Variants in GLYATL2 observed in about 807,000 individuals in gnomAD.
The protein encoded by GLYATL2 is glycine-N-acyltransferase like 2.
GLYATL2 carries 25 observed loss-of-function variants against 21.4 expected under a neutral mutation model. The observed-to-expected ratio is 1.17, with a 90% CI of 0.85 to 1.63. GLYATL2 has a LOEUF of 1.63. GLYATL2 is among the 40% of genes most tolerant of loss of function. GLYATL2 has a pLI of 0.00. For synonymous variants in GLYATL2, 114 were observed against 118.2 expected, an observed-to-expected ratio of 0.96 and a Z score of 0.23; for missense variants, 361 against 343.3, an observed-to-expected ratio of 1.05 and a Z score of -0.41.
intron 1 of GLYATL2, among the ~76,000 whole-genome samples, chr11:58,870,768 G>A (rs977385775): frequency 6.6e-6 from 1 of 152,236 alleles, no homozygotes; most frequent in African/African-American, 2.4e-5. Context: ...TGTTGCATAT[G>A]CAATAGACGT....
intron 1 of GLYATL2, among the ~76,000 whole-genome samples, chr11:58,879,833 C>A (rs1011922707): frequency 5.4e-5 from 8 of 148,202 alleles, no homozygotes; most frequent in Non-Finnish European, 1.0e-4. Flanking sequence ...GTGTACTTTA[C>A]AACAATTTCT....
chr11:58,839,143 C>G (rs916278716), intron 2 of GLYATL2, among the ~76,000 whole-genome samples: 1 of 152,178 alleles, frequency 6.6e-6, no homozygotes, highest in Non-Finnish European at 1.5e-5. Context: ...AGCCCTGTAA[C>G]CCAATTAAGC....
At chr11:58,847,548 T>C (rs1006335390), upstream of GLYATL2, among the ~76,000 whole-genome samples, 14 of 152,138 alleles carry the variant, frequency 9.2e-5, no homozygotes, top group African/African-American at 2.7e-4. Flanking sequence ...AGAACACTGG[T>C]TGGTAGTCTG....
At chr11:58,873,492 T>G (rs1854164378) in intron 1 of GLYATL2, among the ~76,000 whole-genome samples, 1 of 152,246 alleles carries the variant, frequency 6.6e-6, no homozygotes, top group Non-Finnish European at 1.5e-5. Context: ...GTTTTTAGCA[T>G]GAAGGGCTGT....
At chr11:58,905,751 C>CGGGGGGGGG, upstream of GLYATL2, 1 of 13,934 alleles carries the variant, frequency 7.2e-5, no homozygotes, top group Admixed American at 1.0e-3. Context: ...GGAGGGTGGG[C>CGGGGGGGGG]GGGTGGGCGC....
chr11:58,873,794 G>T (rs1854171395), intron 1 of GLYATL2, among the ~76,000 whole-genome samples: 1 of 152,258 alleles, frequency 6.6e-6, no homozygotes, highest in Admixed American at 6.5e-5. Context: ...GATGATGCTG[G>T]CCTCATAAAA....
At chr11:58,882,075 T>A (rs1313006659) in intron 1 of GLYATL2, among the ~76,000 whole-genome samples, 1 of 152,254 alleles carries the variant, frequency 6.6e-6, no homozygotes, top group African/African-American at 2.4e-5. Flanking sequence ...GCATGATTTA[T>A]AATCCTTTGG....
At chr11:58,897,883 G>C (rs775602765) in intron 1 of GLYATL2, among the ~76,000 whole-genome samples, 123 of 152,278 alleles carry the variant, frequency 8.1e-4, no homozygotes, top group Admixed American at 2.2e-3. Flanking sequence ...CCCTGGAAAA[G>C]TATTGATTGC....
chr11:58,845,134 C>T (rs1435253360), upstream of GLYATL2, among the ~76,000 whole-genome samples: 4 of 152,168 alleles, frequency 2.6e-5, no homozygotes, highest in Non-Finnish European at 5.9e-5. Context: ...ACACCACCTC[C>T]TTCAAGATCA....
At chr11:58,867,223 A>T (rs1365394137) in intron 1 of GLYATL2, among the ~76,000 whole-genome samples, 1 of 149,068 alleles carries the variant, frequency 6.7e-6, no homozygotes, top group African/African-American at 2.4e-5. Flanking sequence ...AATATAATAG[A>T]TTTAAAATGT....
chr11:58,852,579 G>T (rs762119558), intron 1 of GLYATL2, among the ~76,000 whole-genome samples: 1 of 152,080 alleles, frequency 6.6e-6, no homozygotes, highest in Admixed American at 6.6e-5. Context: ...ATAGAGATAG[G>T]GTAAATAGCT....
chr11:58,849,492 C>T (rs1250917177), upstream of GLYATL2, among the ~76,000 whole-genome samples: 1 of 151,934 alleles, frequency 6.6e-6, no homozygotes, highest in Non-Finnish European at 1.5e-5. Flanking sequence ...CAAGATTGAA[C>T]GAGGTCAAAA....
intron 1 of GLYATL2, among the ~76,000 whole-genome samples, chr11:58,856,982 T>G (rs574520311): frequency 6.6e-6 from 1 of 152,206 alleles, no homozygotes; most frequent in Non-Finnish European, 1.5e-5. Context: ...TACAATAAAG[T>G]GAAATGCAAT....
At chr11:58,840,609 G>A (rs955238650) in intron 1 of GLYATL2, 4 of 152,090 alleles carry the variant, frequency 2.6e-5, no homozygotes, top group African/African-American at 9.7e-5. Flanking sequence ...GGAGGCCAAG[G>A]CGGGCAGATC....
chr11:58,837,281 C>A lies in GLYATL2; in HGVS notation c.303G>T (p.Leu101Phe). The A allele has an allele frequency of 6.2e-7, 1 of 1,613,784 alleles. No homozygotes were observed. The highest frequency in any genetic ancestry group is 8.5e-7 in the Non-Finnish European group (1 of 1,179,830). ...ACTCAGACTAGTTACCTTGGATCTG[C>A]AAAGTTTGCTCCCAGCTGATTACAT... The part of the protein sequence containing the change: ...YSNVISWEQT[L>F]QIQGCQEGLD... Residue 101 changes from leucine (L) to phenylalanine (F), a missense_variant, in exon 4 of 6, where the codon TTG becomes TTT. By Grantham distance (22) the Leu-to-Phe change is conservative. Transcript: ENST00000287275.
chr11:58,853,165 C>A (rs901960131), intron 1 of GLYATL2, among the ~76,000 whole-genome samples: 2 of 152,058 alleles, frequency 1.3e-5, no homozygotes, highest in Admixed American at 6.5e-5. Flanking sequence ...ATTATACTGA[C>A]CCCAAGATTG....
At chr11:58,871,680 T>A (rs1243646181) in intron 1 of GLYATL2, among the ~76,000 whole-genome samples, 4 of 152,156 alleles carry the variant, frequency 2.6e-5, no homozygotes, top group East Asian at 1.9e-4. Flanking sequence ...ATCCAGTCTA[T>A]CATTGATGGA....
upstream of GLYATL2, among the ~76,000 whole-genome samples, chr11:58,906,846 T>A (rs1388778462): frequency 2.0e-5 from 3 of 152,124 alleles, no homozygotes; most frequent in African/African-American, 7.2e-5. Context: ...TAGACGGTTG[T>A]TTAAACAACG....
chr11:58,875,589 A>T (rs575187989), intron 1 of GLYATL2, among the ~76,000 whole-genome samples: 1 of 152,050 alleles, frequency 6.6e-6, no homozygotes, highest in African/African-American at 2.4e-5. Flanking sequence ...GTTGAAAATT[A>T]TTTTCTTTAA....
Sources: gnomAD v4.1 joint callset for allele counts (sites outside exome capture counted in the v4.1 genomes callset) on GRCh38, gnomAD v4.1.1 for gene constraint, MANE v1.5 for transcripts, NCBI Gene and HGNC (gene_info 2026-07-23, HGNC 2026-07-21) for gene names.